Variants in SH3TC2 observed in about 807,000 individuals in gnomAD.
SH3TC2 encodes the protein SH3 domain and tetratricopeptide repeats 2, also known as SH3 domain and tetratricopeptide repeat-containing protein 2.
SH3TC2 carries 87 observed loss-of-function variants against 124.5 expected under a neutral mutation model. The observed-to-expected ratio is 0.70, with a 90% CI of 0.59 to 0.84. The LOEUF (loss-of-function observed/expected upper bound fraction) is 0.84, where lower values mean the gene tolerates loss of function less well. Ranked by LOEUF, SH3TC2 falls within the 40% of genes least tolerant of loss-of-function variation. The pLI, the probability that SH3TC2 is intolerant of heterozygous loss-of-function variation, is 0.00. For missense variants in SH3TC2, 1,536 were observed against 1,566.4 expected, an observed-to-expected ratio of 0.98 and a Z score of 0.33; for synonymous variants, 634 against 628.5, an observed-to-expected ratio of 1.01 and a Z score of -0.13.
In SH3TC2 at chr5:148,993,689, G is replaced by A. The variant is rs998787726; in HGVS notation, c.*11022C>T. Among the ~76,000 whole-genome samples, 1 of 152,144 alleles carries A rather than the reference G, an allele frequency of 6.6e-6. No individual in the cohort carries two copies. On this transcript the variant is annotated 3_prime_UTR_variant, in exon 17 of 17. Coordinates refer to ENST00000515425, the MANE Select transcript of SH3TC2 (RefSeq NM_024577.4). ...CTGTGACTGTGCTTGGTAAGTGATG[G>A]AGGCAATCATTTACAGATGATGCTC... is the stretch of plus-strand genomic sequence containing the variant.
chr5:149,020,047 A>G (rs1434434484), intron 12 of SH3TC2, among the ~76,000 whole-genome samples: 2 of 151,966 alleles, frequency 1.3e-5, no homozygotes, highest in Non-Finnish European at 2.9e-5. Context: ...AATAATTAGT[A>G]GCAATTGTTT....
chr5:149,053,686 A>T (rs1754594436), intron 1 of SH3TC2, among the ~76,000 whole-genome samples: 1 of 152,238 alleles, frequency 6.6e-6, no homozygotes, highest in African/African-American at 2.4e-5. Flanking sequence ...ACCTTGGGCA[A>T]GACACTTCAC....
chr5:149,030,542 G>A (rs915450543), intron 9 of SH3TC2, among the ~76,000 whole-genome samples: 13 of 152,250 alleles, frequency 8.5e-5, no homozygotes, highest in African/African-American at 3.1e-4. Flanking sequence ...CTACTGGGCA[G>A]TGTTTACAAC....
At chr5:149,061,738 C>A (rs1256029355) in intron 1 of SH3TC2, among the ~76,000 whole-genome samples, 1 of 152,174 alleles carries the variant, frequency 6.6e-6, no homozygotes, top group African/African-American at 2.4e-5. Flanking sequence ...GAACCCCGAT[C>A]TCCGACCAGT....
At chr5:149,044,954 C>A in intron 3 of SH3TC2, 1 of 209,498 alleles carries the variant, frequency 4.8e-6, no homozygotes, top group Non-Finnish European at 9.7e-6. Context: ...GAACTATGGG[C>A]AAAGAATGCT....
rs1259126995 is a variant in SH3TC2, at chr5:149,005,648, G to A, written c.3676-746C>T. 2.0e-5 allele frequency among the ~76,000 whole-genome samples: 3 copies of A among 152,092 alleles called. 1 individual carries two copies. The highest frequency in any genetic ancestry group is 2.0e-4 in the Admixed American group (3 of 15,268). ...TCACTACCCCCGGCCCTCCCTACAT[G>A]GTAAAGATGAGAAACAGATGCTTCT... On this transcript the variant is annotated intron_variant, in intron 16 of 16. Transcript: ENST00000515425.
rs570266229 is a variant in SH3TC2 at position 148,994,612 on chromosome 5, T to A, written c.*10099A>T. On this transcript the variant is annotated 3_prime_UTR_variant, in exon 17 of 17. Transcript: ENST00000515425. ...GTTGGGTGGTTAGATGGTTGGTTGG[T>A]TGGTTGGTTGGTTGGTTGGTTGGTT... Among the ~76,000 whole-genome samples, 623 of 122,352 alleles carry A rather than the reference T, an allele frequency of 5.1e-3. 4 individuals carry two copies. Among genetic ancestry groups the A allele is most frequent in the Non-Finnish European group, 7.1e-3 (423 of 59,614 alleles). 80.3% of individuals were successfully genotyped at this position (122,352 alleles called of 152,430 possible).
chr5:149,061,427 G>A (rs114084358), intron 1 of SH3TC2, among the ~76,000 whole-genome samples: 95 of 152,248 alleles, frequency 6.2e-4, no homozygotes, highest in East Asian at 3.1e-3. Flanking sequence ...CAGGGAGAGC[G>A]CGAGTTATAC....
chr5:148,985,281 G>A lies in SH3TC2; in HGVS notation c.*19430C>T, dbSNP rs1003274459. ...AAATTCATTATTTTTTAGTTACAGA[G>A]TTCTATGAGTTTTGGCAAATGCATT... On this transcript the variant is annotated 3_prime_UTR_variant, in exon 17 of 17. Coordinates refer to ENST00000515425, the MANE Select transcript of SH3TC2 (RefSeq NM_024577.4). Among the ~76,000 whole-genome samples, 3 of 152,104 alleles carry A rather than the reference G, an allele frequency of 2.0e-5. No individual in the cohort carries two copies. The highest frequency in any genetic ancestry group is 7.2e-5 in the African/African-American group (3 of 41,414).
chr5:149,033,321 G>A (rs1763628056), intron 8 of SH3TC2, among the ~76,000 whole-genome samples: 1 of 152,142 alleles, frequency 6.6e-6, no homozygotes, highest in South Asian at 2.1e-4. Flanking sequence ...GAAGAACATG[G>A]CAAAGCTTCT....
At chr5:149,046,104 T>A (rs1580913193) in intron 3 of SH3TC2, 1 of 199,924 alleles carries the variant, frequency 5.0e-6, no homozygotes, top group Non-Finnish European at 1.1e-5. Context: ...CAGTACCAAC[T>A]CCAGGAGCTC....
intron 12 of SH3TC2, among the ~76,000 whole-genome samples, chr5:149,014,956 T>C (rs993731914): frequency 3.9e-5 from 6 of 152,238 alleles, no homozygotes; most frequent in Non-Finnish European, 5.9e-5. Flanking sequence ...TCCCATTTAC[T>C]GTCCTGGGAT....
At chr5:149,037,672 A>G (rs1754305122) in intron 8 of SH3TC2, among the ~76,000 whole-genome samples, 2 of 152,122 alleles carry the variant, frequency 1.3e-5, no homozygotes. Flanking sequence ...CCCACTCCAA[A>G]AAGATGGAGC....
At chr5:149,053,212 C>G (rs1420938445) in intron 1 of SH3TC2, among the ~76,000 whole-genome samples, 1 of 152,210 alleles carries the variant, frequency 6.6e-6, no homozygotes, top group Non-Finnish European at 1.5e-5. Context: ...ATCTGTGCCT[C>G]TAATGATACA....
chr5:148,993,216 T>C lies in SH3TC2; in HGVS notation c.*11495A>G, dbSNP rs1753449908. Among the ~76,000 whole-genome samples, 1 of 152,140 alleles carries C rather than the reference T, an allele frequency of 6.6e-6. No homozygotes were observed. Among genetic ancestry groups the C allele is most frequent in the South Asian group, 2.1e-4 (1 of 4,830 alleles). ...AGCAAACATTCACAGGGGAATCAAA[T>C]TATCCCAATAAAATTCAAATCAATC... On this transcript the variant is annotated 3_prime_UTR_variant, in exon 17 of 17. Coordinates refer to ENST00000515425, the MANE Select transcript of SH3TC2 (RefSeq NM_024577.4).
rs1293325307 is a variant in SH3TC2, at chr5:148,992,907, A to C, written c.*11804T>G. Among the ~76,000 whole-genome samples, 2 of 152,180 alleles carry C rather than the reference A, an allele frequency of 1.3e-5. No homozygotes were observed. The highest frequency in any genetic ancestry group is 3.8e-4 in the East Asian group (2 of 5,196). On this transcript the variant is annotated 3_prime_UTR_variant, in exon 17 of 17. Coordinates refer to ENST00000515425, the MANE Select transcript of SH3TC2 (RefSeq NM_024577.4). ...GGCTTGGAAAATCATCATGCTTCAC[A>C]TATATCATTGACTTTAACTTTGGTC...
chr5:148,995,629 A>G lies in SH3TC2; in HGVS notation c.*9082T>C, dbSNP rs1396255280. ...AATAAGTAGTTATATTATAGTTTTAAAACTTTCTCCCTGAAGGTCAAAACC... is the reference window on the plus strand; with the variant it reads ...AATAAGTAGTTATATTATAGTTTTAGAACTTTCTCCCTGAAGGTCAAAACC... On this transcript the variant is annotated 3_prime_UTR_variant, in exon 17 of 17. Coordinates refer to ENST00000515425, the MANE Select transcript of SH3TC2 (RefSeq NM_024577.4). 6.6e-6 allele frequency among the ~76,000 whole-genome samples: 1 copy of G among 152,214 alleles called. No homozygotes were observed. Among genetic ancestry groups the G allele is most frequent in the Non-Finnish European group, 1.5e-5 (1 of 68,034 alleles).
At chr5:149,031,442 C>T in intron 9 of SH3TC2, 112 bp downstream of exon 9, 2 of 1,470,890 alleles carry the variant, frequency 1.4e-6, no homozygotes, top group Non-Finnish European at 1.9e-6. Context: ...GTCATGGCCA[C>T]CCAAATTCAT....
Position 149,038,391 on chromosome 5 carries a change from A to C in SH3TC2, c.905T>G (p.Ile302Arg). Residue 302 changes from isoleucine (I) to arginine (R), a missense_variant, in exon 8 of 17, where the codon ATA becomes AGA. Transcript: ENST00000515425. ...GESIEIIGFV[I>R]PGLQWFIGKS... The stretch of plus-strand genomic sequence containing the variant: ...TCCAATGAACCACTGAAGCCCAGGT[A>C]TGACAAAGCCGATGATCTCAATGCT... 1 of 1,614,216 alleles carries C rather than the reference A, an allele frequency of 6.2e-7. No individual in the cohort carries two copies. The highest frequency in any genetic ancestry group is 8.5e-7 in the Non-Finnish European group (1 of 1,180,034).
Sources: gnomAD v4.1 joint callset for allele counts (sites outside exome capture counted in the v4.1 genomes callset) on GRCh38, gnomAD v4.1.1 for gene constraint, MANE v1.5 for transcripts, NCBI Gene and HGNC (gene_info 2026-07-23, HGNC 2026-07-21) for gene names.